COL24A1: variants seen among roughly 807,000 people sequenced by gnomAD.
The protein encoded by COL24A1 is collagen type XXIV alpha 1 chain, also known as collagen alpha-1(XXIV) chain.
COL24A1 carries 224 observed loss-of-function variants against 253.9 expected under a neutral mutation model. That is an observed-to-expected ratio of 0.88 (90% CI 0.79 to 0.99). The LOEUF (loss-of-function observed/expected upper bound fraction) is 0.99, where lower values mean the gene tolerates loss of function less well. Ranked by LOEUF, COL24A1 falls within the 50% of genes least tolerant of loss-of-function variation. The probability of loss-of-function intolerance (pLI) is 0.00; values close to 1 mark genes in which losing one functional copy is unlikely to be tolerated. For missense variants in COL24A1, 2,131 were observed against 2,068.5 expected (o/e 1.03, Z -0.59); for synonymous variants, 685 against 673.7 (o/e 1.02, Z -0.26).
intron 12 of COL24A1, among the ~76,000 whole-genome samples, chr1:86,044,300 T>C (rs1699734541): frequency 6.6e-6 from 1 of 152,180 alleles, no homozygotes; most frequent in Non-Finnish European, 1.5e-5. Context: ...TAACATATTC[T>C]GGGACAGTCT....
intron 2 of COL24A1, among the ~76,000 whole-genome samples, chr1:86,128,805 T>C (rs1648713064): frequency 6.6e-6 from 1 of 151,922 alleles, no homozygotes; most frequent in Non-Finnish European, 1.5e-5. Flanking sequence ...TGAACCATGA[T>C]TGCATCCCTA....
chr1:85,801,827 T>C (rs550128069), intron 47 of COL24A1, among the ~76,000 whole-genome samples: 26 of 152,358 alleles, frequency 1.7e-4, no homozygotes, highest in African/African-American at 4.8e-4. Context: ...AATGTCATAA[T>C]CTTGCTCACA....
At chr1:86,056,236 T>C (rs1414467458) in intron 10 of COL24A1, among the ~76,000 whole-genome samples, 1 of 152,142 alleles carries the variant, frequency 6.6e-6, no homozygotes, top group African/African-American at 2.4e-5. Flanking sequence ...AAAAAGTACA[T>C]GACTTTTCCT....
Position 85,777,506 on chromosome 1 carries a change from A to T in COL24A1, c.4339-1797T>A, listed in dbSNP as rs138427505. Among the ~76,000 whole-genome samples, 1,422 of 152,272 alleles carry T rather than the reference A, an allele frequency of 9.3e-3. 57 individuals carry two copies. The highest frequency in any genetic ancestry group is 0.063 in the Admixed American group (968 of 15,272). The stretch of plus-strand genomic sequence containing the variant: ...CAAACTAGATATAATAAATTCTTTT[A>T]AACAATTGCATAATATTCCATGAAA... On this transcript the variant is annotated intron_variant, in intron 52 of 59. Transcript: ENST00000370571.
chr1:85,828,347 G>A (rs1253624266), intron 43 of COL24A1, among the ~76,000 whole-genome samples: 1 of 151,592 alleles, frequency 6.6e-6, no homozygotes, highest in Non-Finnish European at 1.5e-5. Context: ...TTCCAAGTAT[G>A]TGGTCAATTT....
intron 40 of COL24A1, 41 bp downstream of exon 40, chr1:85,842,299 T>A: frequency 6.9e-7 from 1 of 1,441,526 alleles, no homozygotes; most frequent in Non-Finnish European, 9.6e-7. Flanking sequence ...TTAATAAAAA[T>A]GTTTTCATGT....
At chr1:85,906,262 G>GTTTTTTTTTTTT (rs1438385660) in intron 28 of COL24A1, among the ~76,000 whole-genome samples, 3 of 14,044 alleles carry the variant, frequency 2.1e-4, no homozygotes, top group African/African-American at 8.5e-4. Flanking sequence ...AAACTGCAAG[G>GTTTTTTTTTTTT]TCTTTTTTTT....
intron 37 of COL24A1, among the ~76,000 whole-genome samples, chr1:85,858,624 C>CTTCCTTCCTTCCTTCTTTCT (rs71078626): frequency 3.5e-5 from 3 of 86,802 alleles, no homozygotes; most frequent in Admixed American, 1.3e-4. Context: ...TTTCTCCCTC[C>CTTCCTTCCTTCCTTCTTTCT]TTCCTTCCTT....
chr1:85,745,339 A>C, intron 56 of COL24A1, 102 bp downstream of exon 56: 1 of 635,804 alleles, frequency 1.6e-6, no homozygotes, highest in South Asian at 2.8e-5. Flanking sequence ...TGTTTTAAAT[A>C]CAATCTTTGA....
At chr1:85,868,414 C>T (rs1680026281) in intron 37 of COL24A1, 105 bp downstream of exon 37, 1 of 694,406 alleles carries the variant, frequency 1.4e-6, no homozygotes. Flanking sequence ...ATACAATTAT[C>T]CACTGGATAT....
chr1:85,809,459 G>A (rs757639219), intron 47 of COL24A1, among the ~76,000 whole-genome samples: 1 of 152,196 alleles, frequency 6.6e-6, no homozygotes, highest in African/African-American at 2.4e-5. Context: ...GAGGTCAGAA[G>A]TAAGATGGAG....
intron 20 of COL24A1, among the ~76,000 whole-genome samples, chr1:85,972,161 T>C (rs1235831823): frequency 6.6e-6 from 1 of 152,198 alleles, no homozygotes; most frequent in Non-Finnish European, 1.5e-5. Flanking sequence ...AGTCTCTTTT[T>C]AGAATTATAG....
At chr1:85,967,290 A>G (rs1356722312) in intron 22 of COL24A1, among the ~76,000 whole-genome samples, 9 of 152,214 alleles carry the variant, frequency 5.9e-5, no homozygotes, top group Admixed American at 3.3e-4. Flanking sequence ...AGAAACAGAA[A>G]GTATAAAGTA....
intron 39 of COL24A1, among the ~76,000 whole-genome samples, chr1:85,844,100 G>A: frequency 6.6e-6 from 1 of 151,648 alleles, no homozygotes; most frequent in East Asian, 1.9e-4. Flanking sequence ...CTGTTTATTA[G>A]CCCCAAAAAA....
chr1:85,809,979 C>A (rs1198466695), intron 47 of COL24A1, among the ~76,000 whole-genome samples: 3 of 151,904 alleles, frequency 2.0e-5, no homozygotes, highest in South Asian at 2.1e-4. Context: ...TTCCACCAAA[C>A]CCTGGCAGCC....
At chr1:86,047,582 T>A (rs61800728) in intron 11 of COL24A1, among the ~76,000 whole-genome samples, 34,728 of 152,034 alleles carry the variant, frequency 0.23, 4,314 homozygotes, top group Middle Eastern at 0.43. Flanking sequence ...ATGGTTTTAT[T>A]TATAAAGAAG....
Position 86,125,819 on chromosome 1 carries a change from G to A in COL24A1, c.517C>T (p.Gln173Ter). The change falls in exon 3 of 60, where the codon CAA becomes TAA. Residue 173 changes from glutamine to a stop codon, truncating the protein, a stop_gained. Coordinates refer to ENST00000370571, the MANE Select transcript of COL24A1 (RefSeq NM_152890.7). LOFTEE classifies it high-confidence loss of function. ...CACTCAACAAACATTGAGACACTTTGGTTTCTAATAGTAATGGCAAATGAG... is the reference window on the plus strand; with the variant it reads ...CACTCAACAAACATTGAGACACTTTAGTTTCTAATAGTAATGGCAAATGAG... ...WHSFAITIRN[Q>*]SVSMFVECGK... 1 of 1,613,222 alleles carries A rather than the reference G, an allele frequency of 6.2e-7. No homozygotes were observed. Among genetic ancestry groups the A allele is most frequent in the Non-Finnish European group, 8.5e-7 (1 of 1,179,730 alleles).
Position 86,125,629 on chromosome 1 carries a change from C to T in COL24A1, c.707G>A (p.Arg236Lys), listed in dbSNP as rs1468983075. 1.2e-6 allele frequency: 2 copies of T among 1,613,000 alleles called. No homozygotes were observed. Among genetic ancestry groups the T allele is most frequent in the East Asian group, 2.2e-5 (1 of 44,830 alleles). ...PSAEASADYC[R>K]YVKQQCRQAD... ...TTGGCGACACTGCTGTTTCACATAT[C>T]TGCAGTAGTCTGCAGATGCTTCTGC... is the stretch of plus-strand genomic sequence containing the variant. The change falls in exon 3 of 60, where the codon AGA (arginine) becomes AAA (lysine). Residue 236 changes from arginine (R) to lysine (K), a missense_variant. Coordinates refer to ENST00000370571, the MANE Select transcript of COL24A1 (RefSeq NM_152890.7).
At chr1:85,836,425 G>T (rs182158127) in intron 43 of COL24A1, among the ~76,000 whole-genome samples, 78 of 152,300 alleles carry the variant, frequency 5.1e-4, no homozygotes, top group Admixed American at 5.2e-4. Flanking sequence ...AAAGAAGCTT[G>T]GTGATAATGC....
Sources: gnomAD v4.1 joint callset for allele counts (sites outside exome capture counted in the v4.1 genomes callset) on GRCh38, gnomAD v4.1.1 for gene constraint, MANE v1.5 for transcripts, NCBI Gene and HGNC (gene_info 2026-07-23, HGNC 2026-07-21) for gene names.